The following ZNF462 variants were observed in gnomAD, a reference collection of about 807,000 sequenced individuals.
The protein encoded by ZNF462 is zinc finger protein 462.
Under a neutral mutation model 201.9 loss-of-function variants are expected in ZNF462, and 10 were observed. The ratio of observed to expected loss-of-function variants is 0.05; its 90% CI spans 0.03 to 0.08. ZNF462 has a LOEUF of 0.08. ZNF462 is among the 10% of genes least tolerant of loss of function. The pLI is 1.00. For synonymous variants in ZNF462, 1,227 were observed against 1,193.3 expected (o/e 1.03, Z -0.58); for missense variants, 2,523 against 3,168.3 (o/e 0.80, Z 4.89).
intron 1 of ZNF462, among the ~76,000 whole-genome samples, chr9:106,907,545 T>C (rs368484865): frequency 1.4e-3 from 214 of 152,216 alleles, no homozygotes; most frequent in African/African-American, 5.0e-3. Flanking sequence ...ACATTTTCCT[T>C]TACATTTTTG....
At position 106,929,372 on chromosome 9, in the gene ZNF462, G is replaced by A; in HGVS notation, c.5460G>A (p.Leu1820=). 6.2e-7 allele frequency: 1 copy of A among 1,614,150 alleles called. No homozygotes were observed. Among genetic ancestry groups the A allele is most frequent in the Non-Finnish European group, 8.5e-7 (1 of 1,180,040 alleles). The part of the protein sequence containing the change: ...VYADEHEKPT[L]MEEEERGNFE... ...CAGATGAGCATGAGAAGCCCACACTGATGGAAGAAGAGGAGAGAGGCAACT... is the reference window on the plus strand; with the variant it reads ...CAGATGAGCATGAGAAGCCCACACTAATGGAAGAAGAGGAGAGAGGCAACT... Residue 1820 remains leucine, a synonymous_variant, in exon 3 of 13, where the codon CTG becomes CTA. Transcript: ENST00000277225. The surrounding 1 kb of genome is among the most constrained non-coding windows in gnomAD (Gnocchi z 8.7).
chr9:106,940,792 C>G (rs1447874829), intron 7 of ZNF462, among the ~76,000 whole-genome samples: 1 of 151,762 alleles, frequency 6.6e-6, no homozygotes, highest in East Asian at 1.9e-4. Context: ...AGTCACACAT[C>G]TAGGGCTGGG....
chr9:106,913,768 T>G lies in ZNF462; in HGVS notation c.-30-9586T>G, dbSNP rs1343525861. On this transcript the variant is annotated intron_variant, in intron 1 of 12. Transcript: ENST00000277225. The surrounding 1 kb of genome is among the most constrained non-coding windows in gnomAD (Gnocchi z 4.1). ...ACCTGCCACCAAGCCCGGCTAATTT[T>G]TGTGTGTGTTTTTAATAGAGAAGAG... 1.3e-5 allele frequency among the ~76,000 whole-genome samples: 2 copies of G among 150,204 alleles called. No homozygotes were observed. The highest frequency in any genetic ancestry group is 3.0e-5 in the Non-Finnish European group (2 of 67,306).
intron 9 of ZNF462, among the ~76,000 whole-genome samples, chr9:106,976,952 C>T (rs758264427): frequency 3.3e-5 from 5 of 152,136 alleles, no homozygotes; most frequent in African/African-American, 4.8e-5. Context: ...TGCCTTTACC[C>T]ACCAGGCGTC....
In ZNF462 at chr9:106,908,017, C is replaced by CT. The variant is rs558092819; in HGVS notation, c.-30-15329dup. Among the ~76,000 whole-genome samples, 87 of 151,334 alleles carry CT rather than the reference C, an allele frequency of 5.7e-4. 1 individual carries two copies. Among genetic ancestry groups the CT allele is most frequent in the Middle Eastern group, 3.4e-3 (1 of 294 alleles). ...AAATGTTTGGGATTTTTCTTTTTTT[C>CT]TTTTTTTTAACATACCTTTATTTCA... On this transcript the variant is annotated intron_variant, in intron 1 of 12. Coordinates refer to ENST00000277225, the MANE Select transcript of ZNF462 (RefSeq NM_021224.6).
chr9:106,944,984 C>G (rs891601795), intron 7 of ZNF462, among the ~76,000 whole-genome samples: 6 of 152,110 alleles, frequency 3.9e-5, no homozygotes, highest in African/African-American at 1.2e-4. Flanking sequence ...TCCAATAAAA[C>G]TTTATGTACA....
At chr9:106,882,037 C>A (rs991990076) in intron 1 of ZNF462, among the ~76,000 whole-genome samples, 1 of 152,202 alleles carries the variant, frequency 6.6e-6, no homozygotes, top group African/African-American at 2.4e-5. Flanking sequence ...TAATGTCTTA[C>A]AAGCCTTTTT....
intron 1 of ZNF462, among the ~76,000 whole-genome samples, chr9:106,909,301 A>G (rs938252809): frequency 6.6e-6 from 1 of 151,836 alleles, no homozygotes; most frequent in African/African-American, 2.4e-5. Flanking sequence ...TATTATGGTT[A>G]AGTTTTTTTT....
Position 106,924,524 on chromosome 9 carries a change from C to T in ZNF462, c.612C>T (p.Asp204=), listed in dbSNP as rs765359091. Residue 204 remains aspartate (D), a synonymous_variant, in exon 3 of 13, where the codon GAC becomes GAT. Transcript: ENST00000277225. This position sits in a 1 kb window ranked among gnomAD's most constrained non-coding sequence, Gnocchi z 6.2. ...APPPAPAPMP[D]PVVPPVSLQD... The stretch of plus-strand genomic sequence containing the variant: ...CACCTGCTCCTGCTCCAATGCCAGA[C>T]CCTGTGGTTCCGCCCGTATCACTGC... The T allele has an allele frequency of 6.2e-7, 1 of 1,614,136 alleles. No individual in the cohort carries two copies. Among genetic ancestry groups the T allele is most frequent in the Non-Finnish European group, 8.5e-7 (1 of 1,180,018 alleles).
chr9:106,932,858 A>G lies in ZNF462; in HGVS notation c.6116+309A>G, dbSNP rs2134063. 68,773 of 472,178 alleles carry G rather than the reference A, an allele frequency of 0.15. 5,580 individuals are homozygous for G. Among genetic ancestry groups the G allele is most frequent in the South Asian group, 0.18 (6,767 of 36,796 alleles). 29.2% of individuals were successfully genotyped at this position (472,178 alleles called of 1,614,324 possible). ...GAGTCTCCTGATTCATCGTTCAAAC[A>G]TTCAGCCAAAATCTAGTCATTGTTT... On this transcript the variant is annotated intron_variant, in intron 5 of 12. Transcript: ENST00000277225. The surrounding 1 kb of genome is among the most constrained non-coding windows in gnomAD (Gnocchi z 6.8).
intron 10 of ZNF462, among the ~76,000 whole-genome samples, chr9:106,987,412 C>G (rs985307521): frequency 6.6e-5 from 10 of 152,098 alleles, no homozygotes; most frequent in African/African-American, 2.4e-4. Context: ...TTTCCCTGAT[C>G]ATTAGTGATG....
Position 106,928,026 on chromosome 9 carries a change from A to C in ZNF462, c.4114A>C (p.Arg1372=). The change falls in exon 3 of 13, where the codon AGG becomes CGG. Residue 1372 remains arginine (R), a synonymous_variant. Coordinates refer to ENST00000277225, the MANE Select transcript of ZNF462 (RefSeq NM_021224.6). This position sits in a 1 kb window ranked among gnomAD's most constrained non-coding sequence, Gnocchi z 9.3. ...MPAEAKTYRC[R]DCVFEAVSIW... ...AGCCGAAGCCAAAACCTACAGATGC[A>C]GGGACTGTGTTTTCGAAGCTGTTTC... The C allele has an allele frequency of 2.5e-6, 4 of 1,614,164 alleles. No homozygotes were observed. The highest frequency in any genetic ancestry group is 3.4e-6 in the Non-Finnish European group (4 of 1,180,038).
rs75464231 is a variant in ZNF462 at position 106,977,604 on chromosome 9, C to G, written c.6832+3331C>G. 8.3e-3 allele frequency among the ~76,000 whole-genome samples: 1,262 copies of G among 151,672 alleles called. 15 individuals are homozygous for G. The highest frequency in any genetic ancestry group is 0.011 in the Non-Finnish European group (780 of 68,026). On this transcript the variant is annotated intron_variant, in intron 9 of 12. Coordinates refer to ENST00000277225, the MANE Select transcript of ZNF462 (RefSeq NM_021224.6). This position sits in a 1 kb window ranked among gnomAD's most constrained non-coding sequence, Gnocchi z 4.6. ...TTCATTATTTGCTTGTTACGTGCCA[C>G]GCTATGCTTGGTTCTTTGGGCAAAA...
At position 106,905,622 on chromosome 9, in the gene ZNF462, AT is replaced by A. The variant is rs1363830996; in HGVS notation, c.-30-17730del. ...GGCTGCTGTGGGAGATGAGGGTGAG[AT>A]TCCCAGGTCACTGGAGTTGTGTACC... On this transcript the variant is annotated intron_variant, in intron 1 of 12. Coordinates refer to ENST00000277225, the MANE Select transcript of ZNF462 (RefSeq NM_021224.6). This position sits in a 1 kb window ranked among gnomAD's most constrained non-coding sequence, Gnocchi z 5.9. 6.6e-6 allele frequency among the ~76,000 whole-genome samples: 1 copy of A among 151,938 alleles called. No homozygotes were observed. Among genetic ancestry groups the A allele is most frequent in the East Asian group, 1.9e-4 (1 of 5,150 alleles).
intron 1 of ZNF462, among the ~76,000 whole-genome samples, chr9:106,908,942 T>TA (rs71384993): frequency 2.0e-3 from 33 of 16,666 alleles, no homozygotes; most frequent in Admixed American, 5.7e-3. Context: ...TATATATATA[T>TA]TTTTTTTTTT....
chr9:106,906,483 T>C (rs1185342159), intron 1 of ZNF462, among the ~76,000 whole-genome samples: 1 of 152,202 alleles, frequency 6.6e-6, no homozygotes. Context: ...ATTGATGATA[T>C]AAAGATATAA....
intron 10 of ZNF462, among the ~76,000 whole-genome samples, chr9:106,990,651 T>G (rs1047793022): frequency 6.6e-6 from 1 of 152,044 alleles, no homozygotes; most frequent in African/African-American, 2.4e-5. Context: ...GACCAGCTTA[T>G]TAAGTCCAGT....
Position 106,970,495 on chromosome 9 carries a change from C to T in ZNF462, c.6428-1510C>T, listed in dbSNP as rs111429824. Reference sequence around the variant, plus strand: ...CATCAAATATGGGTTTTAGAGAATTCCTCCATGTCCTGCCTTAGGGAATTA... The same window carrying T: ...CATCAAATATGGGTTTTAGAGAATTTCTCCATGTCCTGCCTTAGGGAATTA... On this transcript the variant is annotated intron_variant, in intron 7 of 12. Coordinates refer to ENST00000277225, the MANE Select transcript of ZNF462 (RefSeq NM_021224.6). The surrounding 1 kb of genome is among the most constrained non-coding windows in gnomAD (Gnocchi z 4.2). Among the ~76,000 whole-genome samples, 346 of 152,254 alleles carry T rather than the reference C, an allele frequency of 2.3e-3. 1 individual carries two copies. The highest frequency in any genetic ancestry group is 3.9e-3 in the Non-Finnish European group (268 of 68,022).
At chr9:106,908,695 G>A (rs935021257) in intron 1 of ZNF462, among the ~76,000 whole-genome samples, 1 of 150,834 alleles carries the variant, frequency 6.6e-6, no homozygotes, top group Non-Finnish European at 1.5e-5. Flanking sequence ...TTATATTTCT[G>A]TGCAATTTCC....
Sources: allele counts gnomAD v4.1 joint callset (sites outside exome capture counted in the v4.1 genomes callset), GRCh38; gene constraint gnomAD v4.1.1; non-coding constraint Gnocchi (gnomAD v3.1); transcripts MANE v1.5; gene names NCBI Gene and HGNC (gene_info 2026-07-23, HGNC 2026-07-21).